Variants in BMPR1B observed in about 807,000 individuals in gnomAD.
The protein encoded by BMPR1B is bone morphogenetic protein receptor type 1B, also known as bone morphogenetic protein receptor type-1B.
In BMPR1B, 12 loss-of-function variants were observed where a neutral mutation model predicts 59.1. That is an observed-to-expected ratio of 0.20 (90% CI 0.13 to 0.33). BMPR1B has a LOEUF of 0.33. BMPR1B is among the 10% of genes least tolerant of loss of function. The pLI, the probability that BMPR1B is intolerant of heterozygous loss-of-function variation, is 1.00. For synonymous variants in BMPR1B, 237 were observed against 207.3 expected, an observed-to-expected ratio of 1.14 and a Z score of -1.23; for missense variants, 550 against 610.9, an observed-to-expected ratio of 0.90 and a Z score of 1.05.
intron 3 of BMPR1B, among the ~76,000 whole-genome samples, chr4:95,027,010 C>G (rs1053676980): frequency 6.6e-6 from 1 of 151,992 alleles, no homozygotes; most frequent in South Asian, 2.1e-4. Context: ...AGTGATTCTC[C>G]TGCCTCAGCC....
chr4:94,946,816 C>G (rs1480763039), intron 2 of BMPR1B, among the ~76,000 whole-genome samples: 1 of 151,944 alleles, frequency 6.6e-6, no homozygotes, highest in African/African-American at 2.4e-5. Flanking sequence ...TTTGGGAGGC[C>G]GAGGCGGTTG....
intron 1 of BMPR1B, among the ~76,000 whole-genome samples, chr4:94,827,990 T>C (rs1025666800): frequency 1.3e-5 from 2 of 152,170 alleles, no homozygotes; most frequent in Non-Finnish European, 2.9e-5. Flanking sequence ...GCCTGCCATA[T>C]CAGTTTCACA....
chr4:94,937,685 T>C (rs1729365636), intron 2 of BMPR1B, among the ~76,000 whole-genome samples: 1 of 142,742 alleles, frequency 7.0e-6, no homozygotes, highest in Non-Finnish European at 1.5e-5. Flanking sequence ...TTTTTGTTTT[T>C]TAAATTTTAT....
chr4:94,849,060 G>C (rs1322277757), intron 1 of BMPR1B, among the ~76,000 whole-genome samples: 1 of 152,154 alleles, frequency 6.6e-6, no homozygotes, highest in African/African-American at 2.4e-5. Context: ...TTTGAGTTTT[G>C]TTAGTATATA....
At chr4:94,825,826 A>G (rs1367374560) in intron 1 of BMPR1B, among the ~76,000 whole-genome samples, 2 of 152,224 alleles carry the variant, frequency 1.3e-5, no homozygotes, top group African/African-American at 2.4e-5. Context: ...TTTTATTAAT[A>G]TAAGAAAATA....
At chr4:94,985,531 G>GTGTT (rs1553924116) in intron 2 of BMPR1B, among the ~76,000 whole-genome samples, 7 of 147,506 alleles carry the variant, frequency 4.7e-5, no homozygotes, top group Non-Finnish European at 9.0e-5. Context: ...GTGTGTGTGT[G>GTGTT]TGTGTGTGTG....
chr4:94,958,722 CG>C (rs1730248296), intron 2 of BMPR1B, among the ~76,000 whole-genome samples: 2 of 152,004 alleles, frequency 1.3e-5, no homozygotes, highest in Non-Finnish European at 2.9e-5. Context: ...CAGTGTTAGT[CG>C]TTGTTTGGAA....
chr4:94,995,712 C>A (rs1722014155), intron 2 of BMPR1B: 1 of 152,158 alleles, frequency 6.6e-6, no homozygotes, highest in East Asian at 1.9e-4. Context: ...TCAGGAAAGG[C>A]CCATAGCATC....
chr4:94,801,504 A>G (rs1033904061), intron 1 of BMPR1B, among the ~76,000 whole-genome samples: 5 of 152,164 alleles, frequency 3.3e-5, no homozygotes, highest in African/African-American at 1.2e-4. Flanking sequence ...GGAAGATTCC[A>G]TCACTTATCA....
intron 2 of BMPR1B, among the ~76,000 whole-genome samples, chr4:94,932,838 G>C (rs74587111): frequency 1.1e-4 from 16 of 152,164 alleles, no homozygotes; most frequent in African/African-American, 3.9e-4. Flanking sequence ...TAGGTCTGAC[G>C]GTTATATCAA....
At chr4:94,761,650 C>T (rs1721778507) in intron 1 of BMPR1B, among the ~76,000 whole-genome samples, 1 of 152,078 alleles carries the variant, frequency 6.6e-6, no homozygotes, top group African/African-American at 2.4e-5. Context: ...TTGAAGACCA[C>T]TTTACTTGTT....
rs140970485 is a variant in BMPR1B at position 95,115,686 on chromosome 4, A to G, written c.248A>G (p.Asp83Gly). Residue 83 changes from aspartate to glycine, a missense_variant and splice_region_variant, in exon 6 of 13, where the codon GAC becomes GGC. Asp to Gly is a moderately conservative substitution (Grantham distance 94). Coordinates refer to ENST00000515059, the MANE Select transcript of BMPR1B (RefSeq NM_001203.3). ...ATAGCTGTTTGGGTTCGATTATAGG[A>G]CACTCCCATTCCTCATCAAAGAAGA... The part of the protein sequence containing the change: ...GLEGSDFQCR[D>G]TPIPHQRRSI... 20 of 1,612,588 alleles carry G rather than the reference A, an allele frequency of 1.2e-5. No homozygotes were observed. Among genetic ancestry groups the G allele is most frequent in the Admixed American group, 3.3e-5 (2 of 59,970 alleles).
At position 94,960,712 on chromosome 4, in the gene BMPR1B, A is replaced by G. The variant is rs577377494; in HGVS notation, c.-112-35328A>G. ...ATACAGGCTAACAATCCAGAGGTGT[A>G]TGAAAAATATATATATATATATTTT... is the stretch of plus-strand genomic sequence containing the variant. On this transcript the variant is annotated intron_variant, in intron 2 of 12. Transcript: ENST00000515059. 2.6e-4 allele frequency among the ~76,000 whole-genome samples: 28 copies of G among 108,126 alleles called. No homozygotes were observed. In the South Asian group the frequency reaches 7.1e-3, roughly 28 times the overall value. 70.9% of individuals were successfully genotyped at this position (108,126 alleles called of 152,430 possible).
intron 1 of BMPR1B, among the ~76,000 whole-genome samples, chr4:94,874,978 G>A (rs1482193633): frequency 1.3e-5 from 2 of 152,120 alleles, no homozygotes; most frequent in Non-Finnish European, 2.9e-5. Context: ...GGGCAACAGA[G>A]CGAGACACCG....
At chr4:94,765,142 A>G (rs937789889) in intron 1 of BMPR1B, among the ~76,000 whole-genome samples, 2 of 152,162 alleles carry the variant, frequency 1.3e-5, no homozygotes, top group African/African-American at 4.8e-5. Flanking sequence ...ACAAACAATA[A>G]ATCTTGGCAG....
chr4:94,830,962 C>G (rs1431012529), intron 1 of BMPR1B, among the ~76,000 whole-genome samples: 1 of 152,152 alleles, frequency 6.6e-6, no homozygotes, highest in East Asian at 1.9e-4. Flanking sequence ...ATTGATTCCA[C>G]TTTTTGTCAT....
At chr4:94,864,598 A>T (rs1332639799) in intron 1 of BMPR1B, among the ~76,000 whole-genome samples, 1 of 152,198 alleles carries the variant, frequency 6.6e-6, no homozygotes, top group Non-Finnish European at 1.5e-5. Context: ...AACAAATTGT[A>T]TGTAAGTTGA....
intron 3 of BMPR1B, among the ~76,000 whole-genome samples, chr4:95,078,209 A>C (rs1728855594): frequency 6.6e-6 from 1 of 152,238 alleles, no homozygotes; most frequent in African/African-American, 2.4e-5. Context: ...TAGTACCAGT[A>C]GGTATTACCA....
At chr4:94,895,283 TGCTCTACATTA>T (rs1479129700) in intron 2 of BMPR1B, among the ~76,000 whole-genome samples, 2 of 152,028 alleles carry the variant, frequency 1.3e-5, no homozygotes, top group East Asian at 3.9e-4. Context: ...ATAGGCTAAA[TGCTCTACATTA>T]GACATCATTG....
Sources: gnomAD v4.1 joint callset for allele counts (sites outside exome capture counted in the v4.1 genomes callset) on GRCh38, gnomAD v4.1.1 for gene constraint, MANE v1.5 for transcripts, NCBI Gene and HGNC (gene_info 2026-07-23, HGNC 2026-07-21) for gene names.